ASAP2: variants seen among roughly 807,000 people sequenced by gnomAD.
ASAP2 encodes the protein ArfGAP with SH3 domain, ankyrin repeat and PH domain 2.
ASAP2 carries 45 observed loss-of-function variants against 131.4 expected under a neutral mutation model. The ratio of observed to expected loss-of-function variants is 0.34; its 90% CI spans 0.27 to 0.44. ASAP2 has a LOEUF of 0.44. ASAP2 is among the 20% of genes least tolerant of loss of function. The pLI is 1.00. For synonymous variants in ASAP2, 510 were observed against 503.0 expected, an observed-to-expected ratio of 1.01 and a Z score of -0.19; for missense variants, 1,011 against 1,297.0, an observed-to-expected ratio of 0.78 and a Z score of 3.39.
At chr2:9,343,030 C>T (rs573373442) in intron 9 of ASAP2, among the ~76,000 whole-genome samples, 4 of 152,284 alleles carry the variant, frequency 2.6e-5, no homozygotes, top group Non-Finnish European at 5.9e-5. Context: ...GTTCTTTCAT[C>T]GTTTGGGGAT....
At chr2:9,272,393 T>C (rs1212452390) in intron 1 of ASAP2, among the ~76,000 whole-genome samples, 1 of 151,950 alleles carries the variant, frequency 6.6e-6, no homozygotes, top group East Asian at 1.9e-4. Flanking sequence ...TTGCCCTTTT[T>C]AAAATTGGAT....
chr2:9,265,259 TG>T (rs927500761), intron 1 of ASAP2, among the ~76,000 whole-genome samples: 2 of 152,268 alleles, frequency 1.3e-5, no homozygotes, highest in African/African-American at 4.8e-5. Flanking sequence ...TGTGGGAGGA[TG>T]TGTGTAGGTT....
chr2:9,208,194 T>C (rs1247859770), intron 1 of ASAP2, among the ~76,000 whole-genome samples: 5 of 152,190 alleles, frequency 3.3e-5, no homozygotes, highest in Non-Finnish European at 7.4e-5. Context: ...CTTAGCACTC[T>C]GCTCGGCTCA....
intron 2 of ASAP2, among the ~76,000 whole-genome samples, chr2:9,296,236 A>G (rs1240005215): frequency 6.6e-6 from 1 of 152,240 alleles, no homozygotes; most frequent in Non-Finnish European, 1.5e-5. Context: ...TTGTTTTATT[A>G]TAGACTGGCT....
chr2:9,387,387 CAG>C (rs1675366211), intron 21 of ASAP2, among the ~76,000 whole-genome samples: 1 of 152,158 alleles, frequency 6.6e-6, no homozygotes, highest in African/African-American at 2.4e-5. Context: ...ATCTAAATGA[CAG>C]GACATGGCTA....
rs894127294 is a variant in ASAP2 at position 9,259,780 on chromosome 2, C to T, written c.127-19537C>T. On this transcript the variant is annotated intron_variant, in intron 1 of 27. Coordinates refer to ENST00000281419, the MANE Select transcript of ASAP2 (RefSeq NM_003887.3). ...ATCTTCAGATGAACTCATCTGAGGCCGACAGGCAAAGTAGCCCTGCACATC... is the reference window on the plus strand; with the variant it reads ...ATCTTCAGATGAACTCATCTGAGGCTGACAGGCAAAGTAGCCCTGCACATC... 5.9e-5 allele frequency among the ~76,000 whole-genome samples: 9 copies of T among 152,260 alleles called. No homozygotes were observed. In the South Asian group the frequency reaches 1.5e-3, roughly 25 times the overall value.
intron 1 of ASAP2, among the ~76,000 whole-genome samples, chr2:9,231,771 T>C (rs1272668176): frequency 6.6e-6 from 1 of 152,194 alleles, no homozygotes; most frequent in Non-Finnish European, 1.5e-5. Context: ...GACTCTCCTC[T>C]CTGTGCCGTC....
Position 9,271,021 on chromosome 2 carries a change from G to C in ASAP2, c.127-8296G>C, listed in dbSNP as rs889759697. On this transcript the variant is annotated intron_variant, in intron 1 of 27. Transcript: ENST00000281419. Reference sequence around the variant, plus strand: ...TGTTAGCCAGGATAGTCTCGATCTCGTGACCTCGTGATCCACCTGCCTCGG... The same window carrying C: ...TGTTAGCCAGGATAGTCTCGATCTCCTGACCTCGTGATCCACCTGCCTCGG... 7.2e-3 allele frequency among the ~76,000 whole-genome samples: 1,088 copies of C among 151,518 alleles called. 5 individuals carry two copies. The highest frequency in any genetic ancestry group is 0.011 in the Non-Finnish European group (743 of 67,830).
intron 3 of ASAP2, among the ~76,000 whole-genome samples, chr2:9,317,782 A>G (rs890496500): frequency 6.6e-6 from 1 of 150,456 alleles, no homozygotes; most frequent in Admixed American, 6.6e-5. Flanking sequence ...ACCCTCACAC[A>G]CCCATACACA....
At chr2:9,296,481 G>A (rs1235160940) in intron 2 of ASAP2, among the ~76,000 whole-genome samples, 1 of 152,200 alleles carries the variant, frequency 6.6e-6, no homozygotes, top group Non-Finnish European at 1.5e-5. Flanking sequence ...TCTTTCAGGT[G>A]CTACTTTGAG....
intron 27 of ASAP2, among the ~76,000 whole-genome samples, chr2:9,401,677 T>C (rs1206648664): frequency 6.6e-6 from 1 of 152,160 alleles, no homozygotes; most frequent in Non-Finnish European, 1.5e-5. Flanking sequence ...TTTGAGGTCT[T>C]GAGTTTCTAG....
chr2:9,283,423 A>G (rs1384856561), intron 2 of ASAP2, among the ~76,000 whole-genome samples: 4 of 152,234 alleles, frequency 2.6e-5, no homozygotes, highest in Non-Finnish European at 5.9e-5. Context: ...CAGTTCGGCC[A>G]TGGGAAACCC....
chr2:9,290,294 C>T (rs962188233), intron 2 of ASAP2, among the ~76,000 whole-genome samples: 2 of 152,194 alleles, frequency 1.3e-5, no homozygotes, highest in Non-Finnish European at 2.9e-5. Context: ...ACTGCAACCT[C>T]TGCCTCCTGG....
At chr2:9,304,097 C>A (rs905322364) in intron 3 of ASAP2, among the ~76,000 whole-genome samples, 1 of 152,160 alleles carries the variant, frequency 6.6e-6, no homozygotes, top group African/African-American at 2.4e-5. Flanking sequence ...AAGCAGGGAG[C>A]AGTGACTCCC....
At chr2:9,305,208 G>T (rs955337862) in intron 3 of ASAP2, among the ~76,000 whole-genome samples, 2 of 151,798 alleles carry the variant, frequency 1.3e-5, no homozygotes, top group Admixed American at 1.3e-4. Context: ...GAGTAGTGAG[G>T]TATAGATATT....
At chr2:9,283,413 C>T (rs1180104952) in intron 2 of ASAP2, among the ~76,000 whole-genome samples, 1 of 152,190 alleles carries the variant, frequency 6.6e-6, no homozygotes, top group Non-Finnish European at 1.5e-5. Context: ...AGTTATCTTT[C>T]AGTTCGGCCA....
chr2:9,337,755 G>T (rs1334994936), intron 9 of ASAP2, among the ~76,000 whole-genome samples: 2 of 152,136 alleles, frequency 1.3e-5, no homozygotes, highest in African/African-American at 4.8e-5. Context: ...GTGCCGTTCT[G>T]GTCCCGGTGA....
At chr2:9,313,066 A>T (rs1214887426) in intron 3 of ASAP2, among the ~76,000 whole-genome samples, 2 of 149,458 alleles carry the variant, frequency 1.3e-5, no homozygotes, top group East Asian at 2.0e-4. Flanking sequence ...CTTAAAAAAT[A>T]AAAAAAAAAG....
chr2:9,331,930 G>C (rs1670867189), intron 7 of ASAP2, among the ~76,000 whole-genome samples: 1 of 152,274 alleles, frequency 6.6e-6, no homozygotes, highest in East Asian at 1.9e-4. Flanking sequence ...GAAGCTTGCA[G>C]AGGAGGGAGG....
Sources: allele counts gnomAD v4.1 joint callset (sites outside exome capture counted in the v4.1 genomes callset), GRCh38; gene constraint gnomAD v4.1.1; transcripts MANE v1.5; gene names NCBI Gene and HGNC (gene_info 2026-07-23, HGNC 2026-07-21).